FMNL2: variants seen among roughly 807,000 people sequenced by gnomAD.
The protein encoded by FMNL2 is formin like 2.
FMNL2 carries 51 observed loss-of-function variants against 130.2 expected under a neutral mutation model. That is an observed-to-expected ratio of 0.39 (90% CI 0.31 to 0.49). FMNL2 has a LOEUF of 0.49. Among genes scored for constraint, FMNL2 ranks in the 20% least tolerant of loss-of-function variants. The pLI is 0.85. For synonymous variants in FMNL2, 465 were observed against 467.1 expected (o/e 1.00, Z 0.06); for missense variants, 977 against 1,316.2 (o/e 0.74, Z 3.99).
chr2:152,343,906 A>C (rs999641235), intron 1 of FMNL2, among the ~76,000 whole-genome samples: 1 of 152,142 alleles, frequency 6.6e-6, no homozygotes, highest in Non-Finnish European at 1.5e-5. Context: ...TAATCCCAGC[A>C]CTTTGGGAGG....
intron 1 of FMNL2, among the ~76,000 whole-genome samples, chr2:152,445,341 A>C (rs1425924879): frequency 6.6e-6 from 1 of 151,906 alleles, no homozygotes; most frequent in Non-Finnish European, 1.5e-5. Context: ...TTTGGTGAGT[A>C]CTCCCCTCCT....
intron 11 of FMNL2, among the ~76,000 whole-genome samples, chr2:152,611,999 G>C (rs534752145): frequency 5.9e-5 from 9 of 152,242 alleles, no homozygotes; most frequent in Admixed American, 2.0e-4. Context: ...AGACTGTAGA[G>C]TGATGAGTCA....
intron 1 of FMNL2, among the ~76,000 whole-genome samples, chr2:152,364,982 ATGTATTGCACACCTG>A (rs1219251026): frequency 6.6e-6 from 1 of 152,222 alleles, no homozygotes; most frequent in African/African-American, 2.4e-5. Context: ...CAATCCACCT[ATGTATTGCACACCTG>A]TGTGCCCAGC....
At chr2:152,490,445 A>AT (rs1380653782) in intron 1 of FMNL2, among the ~76,000 whole-genome samples, 1 of 152,186 alleles carries the variant, frequency 6.6e-6, no homozygotes, top group Non-Finnish European at 1.5e-5. Flanking sequence ...TTCCCTAAAC[A>AT]TCGACGTTCC....
chr2:152,440,262 A>G (rs369300333), intron 1 of FMNL2, among the ~76,000 whole-genome samples: 21 of 152,290 alleles, frequency 1.4e-4, no homozygotes, highest in East Asian at 1.2e-3. Flanking sequence ...CCTTTACTGC[A>G]TGTTAATTTG....
At chr2:152,627,394 T>C (rs1194250224) in intron 17 of FMNL2, among the ~76,000 whole-genome samples, 1 of 152,254 alleles carries the variant, frequency 6.6e-6, no homozygotes, top group Admixed American at 6.5e-5. Context: ...TCAAATGTGA[T>C]GAAGACATTA....
intron 1 of FMNL2, among the ~76,000 whole-genome samples, chr2:152,368,627 A>G (rs948175910): frequency 2.6e-5 from 4 of 152,154 alleles, no homozygotes; most frequent in African/African-American, 9.7e-5. Flanking sequence ...CAATAGAGGA[A>G]GGAATGATGG....
At chr2:152,614,613 C>T (rs528352249) in intron 11 of FMNL2, among the ~76,000 whole-genome samples, 5 of 152,214 alleles carry the variant, frequency 3.3e-5, no homozygotes, top group South Asian at 4.1e-4. Flanking sequence ...TGTGGTGGCG[C>T]GTGCCTGTAA....
chr2:152,564,664 C>T (rs1443095109), intron 6 of FMNL2, among the ~76,000 whole-genome samples: 1 of 150,688 alleles, frequency 6.6e-6, no homozygotes, highest in Non-Finnish European at 1.5e-5. Flanking sequence ...ACCTGGGAGG[C>T]AGAGGTTGCA....
At chr2:152,383,867 A>C (rs1294659091) in intron 1 of FMNL2, among the ~76,000 whole-genome samples, 1 of 152,198 alleles carries the variant, frequency 6.6e-6, no homozygotes, top group Non-Finnish European at 1.5e-5. Context: ...TTTTATTTAG[A>C]GAATTTTGAC....
At chr2:152,625,596 A>T in intron 16 of FMNL2, 34 bp downstream of exon 16, 2 of 1,582,162 alleles carry the variant, frequency 1.3e-6, no homozygotes, top group Non-Finnish European at 1.7e-6. Context: ...CTAGAGGTGC[A>T]CTCTGTGCAG....
intron 1 of FMNL2, among the ~76,000 whole-genome samples, chr2:152,396,647 C>A (rs1358370912): frequency 6.6e-6 from 1 of 152,174 alleles, no homozygotes; most frequent in Non-Finnish European, 1.5e-5. Flanking sequence ...TTTTTCTTAT[C>A]CAGTTAACAA....
intron 1 of FMNL2, among the ~76,000 whole-genome samples, chr2:152,488,126 G>A (rs780140792): frequency 6.6e-6 from 1 of 152,206 alleles, no homozygotes. Flanking sequence ...ATCTGCAAAA[G>A]TGTTTCATTT....
intron 1 of FMNL2, among the ~76,000 whole-genome samples, chr2:152,389,702 G>A (rs796437106): frequency 3.7e-4 from 56 of 152,340 alleles, no homozygotes; most frequent in African/African-American, 9.9e-4. Flanking sequence ...GAGGAGGAGC[G>A]GTTCGATGGC....
rs116238132 is a variant in FMNL2, at chr2:152,592,449, G to A, written c.876+11400G>A. Among the ~76,000 whole-genome samples, 78 of 152,178 alleles carry A rather than the reference G, an allele frequency of 5.1e-4. 1 individual carries two copies. The highest frequency in any genetic ancestry group is 9.9e-4 in the Non-Finnish European group (67 of 67,988). On this transcript the variant is annotated intron_variant, in intron 9 of 25. Transcript: ENST00000288670. ...TCTCTCGTCAATAAGGGCTTTGTTTGTTGGTTTCTTTTAAACCAGCAATTC... is the reference window on the plus strand; with the variant it reads ...TCTCTCGTCAATAAGGGCTTTGTTTATTGGTTTCTTTTAAACCAGCAATTC...
chr2:152,526,742 C>A (rs749056536), intron 2 of FMNL2, among the ~76,000 whole-genome samples: 10 of 152,058 alleles, frequency 6.6e-5, no homozygotes, highest in East Asian at 1.9e-4. Flanking sequence ...ATTTTGATAT[C>A]CAGTCTTCCC....
intron 10 of FMNL2, among the ~76,000 whole-genome samples, chr2:152,608,369 AAAG>A (rs1393120604): frequency 0.28 from 6,042 of 21,808 alleles, 449 homozygotes; most frequent in East Asian, 0.48. Context: ...TGAAAAAAAA[AAAG>A]AAAAAAAAAA....
chr2:152,529,292 C>T (rs1424613835), intron 2 of FMNL2, among the ~76,000 whole-genome samples: 1 of 152,022 alleles, frequency 6.6e-6, no homozygotes, highest in East Asian at 1.9e-4. Flanking sequence ...GTTGGTAGTA[C>T]CAATTTGTTT....
intron 4 of FMNL2, among the ~76,000 whole-genome samples, chr2:152,553,829 G>A (rs971920686): frequency 6.6e-6 from 1 of 151,992 alleles, no homozygotes; most frequent in African/African-American, 2.4e-5. Context: ...GACAAAGGCT[G>A]CATTGGTTTA....
Sources: allele counts gnomAD v4.1 joint callset (sites outside exome capture counted in the v4.1 genomes callset), GRCh38; gene constraint gnomAD v4.1.1; transcripts MANE v1.5; gene names NCBI Gene and HGNC (gene_info 2026-07-23, HGNC 2026-07-21).